The following VEPH1 variants were observed in gnomAD, a reference collection of about 807,000 sequenced individuals.
The protein encoded by VEPH1 is ventricular zone-expressed PH domain-containing protein homolog 1.
VEPH1 carries 80 observed loss-of-function variants against 85.2 expected under a neutral mutation model. The ratio of observed to expected loss-of-function variants is 0.94; its 90% CI spans 0.78 to 1.13. The LOEUF (loss-of-function observed/expected upper bound fraction) is 1.13. Ranked by LOEUF, VEPH1 falls within the 50% of genes most tolerant of loss-of-function variation. The pLI is 0.00. For synonymous variants in VEPH1, 297 were observed against 348.0 expected, an observed-to-expected ratio of 0.85 and a Z score of 1.63; for missense variants, 955 against 980.5, an observed-to-expected ratio of 0.97 and a Z score of 0.35.
chr3:157,343,053 G>A (rs1034889767), intron 9 of VEPH1, among the ~76,000 whole-genome samples: 2 of 152,056 alleles, frequency 1.3e-5, no homozygotes, highest in Non-Finnish European at 2.9e-5. Flanking sequence ...TTTACAGCAC[G>A]AAATGCCCAC....
intron 7 of VEPH1, among the ~76,000 whole-genome samples, chr3:157,379,031 A>C (rs529322016): frequency 6.6e-6 from 1 of 152,264 alleles, no homozygotes; most frequent in South Asian, 2.1e-4. Context: ...GATGTTAGTT[A>C]CTCGTGATTT....
chr3:157,277,825 A>G (rs1009205489), intron 12 of VEPH1, among the ~76,000 whole-genome samples: 2 of 152,236 alleles, frequency 1.3e-5, no homozygotes, highest in African/African-American at 4.8e-5. Flanking sequence ...TTAAGAAGAG[A>G]CTGCTTATAT....
intron 4 of VEPH1, among the ~76,000 whole-genome samples, chr3:157,440,185 C>G (rs1217984962): frequency 6.6e-6 from 1 of 151,986 alleles, no homozygotes; most frequent in African/African-American, 2.4e-5. Context: ...ATCACTGCCT[C>G]ATTAAAAATT....
At chr3:157,501,820 C>T (rs188027649) in intron 1 of VEPH1, among the ~76,000 whole-genome samples, 20 of 152,284 alleles carry the variant, frequency 1.3e-4, no homozygotes, top group Non-Finnish European at 2.2e-4. Context: ...ATTTACATTA[C>T]GCTTTAGACT....
At chr3:157,456,802 C>T (rs907224248) in intron 4 of VEPH1, among the ~76,000 whole-genome samples, 1 of 151,910 alleles carries the variant, frequency 6.6e-6, no homozygotes, top group Non-Finnish European at 1.5e-5. Context: ...TGAAGTAATA[C>T]AGTGTGATGC....
At chr3:157,366,656 A>G (rs1726739636) in intron 7 of VEPH1, among the ~76,000 whole-genome samples, 1 of 152,036 alleles carries the variant, frequency 6.6e-6, no homozygotes, top group Non-Finnish European at 1.5e-5. Flanking sequence ...AATCAATTGA[A>G]CCTGGGAGGC....
chr3:157,372,099 C>T (rs1188917758), intron 7 of VEPH1, among the ~76,000 whole-genome samples: 1 of 152,134 alleles, frequency 6.6e-6, no homozygotes, highest in African/African-American at 2.4e-5. Flanking sequence ...ATCGTCTGGG[C>T]ACAGGAGCAA....
intron 11 of VEPH1, among the ~76,000 whole-genome samples, 199 bp from the exon 12 acceptor site, chr3:157,286,873 A>G (rs1716851749): frequency 6.6e-6 from 1 of 152,230 alleles, no homozygotes; most frequent in African/African-American, 2.4e-5. Context: ...AAGAGTATTC[A>G]TAAATGCAGC....
chr3:157,466,341 G>A lies in VEPH1; in HGVS notation c.354+3973C>T, dbSNP rs1178139632. On this transcript the variant is annotated intron_variant, in intron 3 of 13. Coordinates refer to ENST00000362010, the MANE Select transcript of VEPH1 (RefSeq NM_001167912.2). ...AGTGGCTAGAGCACAGATAGAGATCGCTTTTGTAATAAAAGATCCTCTTCA... is the reference window on the plus strand; with the variant it reads ...AGTGGCTAGAGCACAGATAGAGATCACTTTTGTAATAAAAGATCCTCTTCA... Among the ~76,000 whole-genome samples, 5 of 152,030 alleles carry A rather than the reference G, an allele frequency of 3.3e-5. No individual in the cohort carries two copies. The South Asian group carries it at 8.3e-4, about 25-fold the overall frequency.
At chr3:157,377,238 G>A (rs1297960016) in intron 7 of VEPH1, among the ~76,000 whole-genome samples, 1 of 151,852 alleles carries the variant, frequency 6.6e-6, no homozygotes, top group African/African-American at 2.4e-5. Context: ...GTGGTAGGAG[G>A]TGAGTGGTGA....
chr3:157,472,044 C>T lies in VEPH1; in HGVS notation c.139-1515G>A, dbSNP rs193130607. On this transcript the variant is annotated intron_variant, in intron 2 of 13. Transcript: ENST00000362010. ...AGCGCTGTTCCTCATCCGTCCCAGT[C>T]CCCTTCCTCAGCGGGAGCCAGGCTC... Among the ~76,000 whole-genome samples the T allele has an allele frequency of 9.3e-3, 1,419 of 152,304 alleles. 10 individuals carry two copies. The highest frequency in any genetic ancestry group is 0.015 in the Non-Finnish European group (1,029 of 68,030).
intron 4 of VEPH1, among the ~76,000 whole-genome samples, chr3:157,452,151 T>G (rs182045153): frequency 7.2e-5 from 11 of 152,262 alleles, no homozygotes; most frequent in African/African-American, 1.9e-4. Flanking sequence ...TAAATCCATT[T>G]TAGTCCTCAT....
chr3:157,495,552 A>T (rs939747168), intron 1 of VEPH1, 46 bp from the exon 2 acceptor site: 2 of 1,295,624 alleles, frequency 1.5e-6, no homozygotes, highest in African/African-American at 3.0e-5. Flanking sequence ...GCAGAATGGC[A>T]TAAGCTCAGA....
At chr3:157,330,340 A>G (rs990509541) in intron 9 of VEPH1, among the ~76,000 whole-genome samples, 3 of 152,194 alleles carry the variant, frequency 2.0e-5, no homozygotes, top group Admixed American at 2.0e-4. Context: ...CTGCTTGAAA[A>G]TAGTTGAAAT....
chr3:157,314,330 CAAAAAA>C (rs34703314), intron 10 of VEPH1, among the ~76,000 whole-genome samples: 272 of 43,154 alleles, frequency 6.3e-3, no homozygotes, highest in African/African-American at 0.013. Flanking sequence ...GAGGATCCGT[CAAAAAA>C]AAAAAAAAAA....
intron 11 of VEPH1, among the ~76,000 whole-genome samples, chr3:157,288,725 A>G (rs1333648177): frequency 1.3e-5 from 2 of 152,224 alleles, no homozygotes; most frequent in Non-Finnish European, 2.9e-5. Flanking sequence ...TGGCACCTGA[A>G]AGTGCCTATC....
chr3:157,278,017 A>G (rs1438107388), intron 12 of VEPH1, among the ~76,000 whole-genome samples: 3 of 152,192 alleles, frequency 2.0e-5, no homozygotes, highest in Admixed American at 2.0e-4. Flanking sequence ...GTTTATTGGT[A>G]CATATTTATT....
chr3:157,293,438 A>G (rs1181629314), intron 11 of VEPH1, among the ~76,000 whole-genome samples: 1 of 152,200 alleles, frequency 6.6e-6, no homozygotes, highest in African/African-American at 2.4e-5. Flanking sequence ...TTGAGTCCCT[A>G]TGTGTTGGGA....
At position 157,364,487 on chromosome 3, in the gene VEPH1, A is replaced by C; in HGVS notation, c.1153T>G (p.Phe385Val). Reference sequence around the variant, plus strand: ...TTGGTTTCTTCCAGTTTCTCAGGGAATTCAATTTCAGTGCTGATTTTTCTC... The same window carrying C: ...TTGGTTTCTTCCAGTTTCTCAGGGACTTCAATTTCAGTGCTGATTTTTCTC... ...GRRKISTEIE[F>V]PEKLEETKLI... The change falls in exon 8 of 14, where the codon TTC (phenylalanine) becomes GTC (valine). Residue 385 changes from phenylalanine (F) to valine (V), a missense_variant. Phe to Val is a conservative substitution (Grantham distance 50, BLOSUM62 -1). Coordinates refer to ENST00000362010, the MANE Select transcript of VEPH1 (RefSeq NM_001167912.2). The C allele has an allele frequency of 6.2e-7, 1 of 1,613,844 alleles. No individual in the cohort carries two copies. The highest frequency in any genetic ancestry group is 8.5e-7 in the Non-Finnish European group (1 of 1,179,896).
Sources: allele counts gnomAD v4.1 joint callset (sites outside exome capture counted in the v4.1 genomes callset), GRCh38; gene constraint gnomAD v4.1.1; transcripts MANE v1.5; gene names NCBI Gene and HGNC (gene_info 2026-07-23, HGNC 2026-07-21).